The following SPTLC3 variants were observed in gnomAD, a reference collection of about 807,000 sequenced individuals.
SPTLC3 encodes the protein serine palmitoyltransferase long chain base subunit 3.
Under a neutral mutation model 59.3 loss-of-function variants are expected in SPTLC3, and 36 were observed. The observed-to-expected ratio is 0.61, with a 90% CI of 0.47 to 0.80. The LOEUF is 0.80. Ranked by LOEUF, SPTLC3 falls within the 30% of genes least tolerant of loss-of-function variation. The pLI is 0.00. For missense variants in SPTLC3, 625 were observed against 685.1 expected (o/e 0.91, Z 0.98); for synonymous variants, 257 against 240.8 (o/e 1.07, Z -0.62).
intron 8 of SPTLC3, 100 bp downstream of exon 8, chr20:13,117,825 C>A: frequency 1.8e-6 from 2 of 1,116,734 alleles, no homozygotes; most frequent in Non-Finnish European, 2.5e-6. Flanking sequence ...ATTCAGTTCA[C>A]CACACCTCAG....
chr20:13,153,582 G>T (rs1199157292), intron 9 of SPTLC3, among the ~76,000 whole-genome samples: 1 of 152,104 alleles, frequency 6.6e-6, no homozygotes, highest in Non-Finnish European at 1.5e-5. Flanking sequence ...AGCCAATTCA[G>T]CTTAGCTAAA....
intron 1 of SPTLC3, among the ~76,000 whole-genome samples, chr20:13,035,049 A>G (rs1287171485): frequency 6.6e-6 from 1 of 152,032 alleles, no homozygotes; most frequent in Non-Finnish European, 1.5e-5. Flanking sequence ...TCCCTCATTC[A>G]TGAAACCTCC....
In SPTLC3 at chr20:13,117,672, G is replaced by C. The variant is rs370462862; in HGVS notation, c.1099G>C (p.Gly367Arg). Residue 367 changes from glycine (G) to arginine (R), a missense_variant, in exon 8 of 12, where the codon GGC becomes CGC. Gly to Arg is a moderately radical substitution (Grantham distance 125). Coordinates refer to ENST00000399002, the MANE Select transcript of SPTLC3 (RefSeq NM_018327.4). ...LDPHEVDVLM[G>R]TFTKSFGASG... ...CCCTCATGAAGTTGATGTGCTCATGGGCACATTCACCAAAAGTTTTGGAGC... is the reference window on the plus strand; with the variant it reads ...CCCTCATGAAGTTGATGTGCTCATGCGCACATTCACCAAAAGTTTTGGAGC... The C allele has an allele frequency of 2.5e-5, 40 of 1,613,750 alleles. No homozygotes were observed. Among genetic ancestry groups the C allele is most frequent in the Non-Finnish European group, 3.4e-5 (40 of 1,179,892 alleles).
rs1985098673 is a variant in SPTLC3, at chr20:13,009,267, C to T, written c.-1C>T. 3 of 1,613,702 alleles carry T rather than the reference C, an allele frequency of 1.9e-6. No individual in the cohort carries two copies. The highest frequency in any genetic ancestry group is 1.7e-5 in the Admixed American group (1 of 59,994). On this transcript the variant is annotated 5_prime_UTR_variant, in exon 1 of 12. Transcript: ENST00000399002. Reference sequence around the variant, plus strand: ...GTCCCGGGCTCTGTCACTTCACACCCATGGCTAACCCTGGAGGTGGTGCTG... The same window carrying T: ...GTCCCGGGCTCTGTCACTTCACACCTATGGCTAACCCTGGAGGTGGTGCTG...
chr20:13,011,201 C>T (rs1041297357), intron 1 of SPTLC3, among the ~76,000 whole-genome samples: 3 of 152,196 alleles, frequency 2.0e-5, no homozygotes, highest in African/African-American at 7.2e-5. Context: ...ATTGTCCCCT[C>T]CATGATGGGA....
At chr20:13,053,867 C>A (rs1600234698) in intron 2 of SPTLC3, among the ~76,000 whole-genome samples, 1 of 152,102 alleles carries the variant, frequency 6.6e-6, no homozygotes, top group East Asian at 1.9e-4. Flanking sequence ...ACGAACAAAG[C>A]CTCCAAGAAA....
rs1170361366 is a variant in SPTLC3, at chr20:13,165,593, A to C, written c.*726A>C. ...GTTTGTTTCATAAGAAAAGGGGCAG[A>C]AAGCAAGCACAAGACACTTTTAGGT... On this transcript the variant is annotated 3_prime_UTR_variant, in exon 12 of 12. Transcript: ENST00000399002. The C allele has an allele frequency of 6.6e-6, 1 of 152,248 alleles. No homozygotes were observed. The highest frequency in any genetic ancestry group is 1.5e-5 in the Non-Finnish European group (1 of 68,046). 9.4% of individuals were successfully genotyped at this position (152,248 alleles called of 1,614,324 possible).
intron 7 of SPTLC3, among the ~76,000 whole-genome samples, chr20:13,111,330 AG>A (rs1990222188): frequency 6.6e-6 from 1 of 152,144 alleles, no homozygotes; most frequent in Admixed American, 6.5e-5. Context: ...TAGACATAGT[AG>A]TTCTCCAGGG....
chr20:13,097,761 T>G (rs191225707), intron 6 of SPTLC3, among the ~76,000 whole-genome samples: 8 of 152,228 alleles, frequency 5.3e-5, no homozygotes, highest in African/African-American at 1.9e-4. Context: ...AAAAGGGAAT[T>G]GTATTCTCTA....
chr20:13,017,642 C>T (rs1985599728), intron 1 of SPTLC3, among the ~76,000 whole-genome samples: 1 of 152,098 alleles, frequency 6.6e-6, no homozygotes. Flanking sequence ...TTTAGCTTAT[C>T]AGCTATCATT....
intron 6 of SPTLC3, among the ~76,000 whole-genome samples, chr20:13,107,618 A>G (rs971492200): frequency 6.6e-6 from 1 of 152,216 alleles, no homozygotes; most frequent in Non-Finnish European, 1.5e-5. Flanking sequence ...AGAAAAGGAA[A>G]GTGGCATGAA....
At chr20:13,073,956 G>A (rs1568589250) in intron 3 of SPTLC3, 40 of 591,012 alleles carry the variant, frequency 6.8e-5, no homozygotes, top group South Asian at 5.6e-4. Flanking sequence ...CACCTGAGTG[G>A]ATGTTACCAA....
intron 4 of SPTLC3, among the ~76,000 whole-genome samples, chr20:13,081,350 G>A (rs1988836257): frequency 6.6e-6 from 1 of 152,166 alleles, no homozygotes; most frequent in Non-Finnish European, 1.5e-5. Flanking sequence ...AATTTGTAAA[G>A]CCCTCCTCCC....
intron 1 of SPTLC3, among the ~76,000 whole-genome samples, chr20:13,038,558 G>T (rs6041791): frequency 0.2 from 29,709 of 151,856 alleles, 3,608 homozygotes; most frequent in African/African-American, 0.35. Context: ...AATTTTGCTG[G>T]TTTCTCTTTT....
At chr20:13,110,276 C>A (rs1399614869) in intron 7 of SPTLC3, 59 bp downstream of exon 7, 9 of 1,404,088 alleles carry the variant, frequency 6.4e-6, no homozygotes, top group Non-Finnish European at 8.9e-6. Flanking sequence ...CTGACCAGTG[C>A]GGAAAGGCTC....
intron 1 of SPTLC3, among the ~76,000 whole-genome samples, chr20:13,037,703 C>A (rs6109664): frequency 6.6e-6 from 1 of 152,068 alleles, no homozygotes; most frequent in African/African-American, 2.4e-5. Context: ...CTTAGAGATG[C>A]GGAAATATTT....
chr20:13,095,650 A>G (rs936834840), intron 6 of SPTLC3, among the ~76,000 whole-genome samples: 1 of 152,018 alleles, frequency 6.6e-6, no homozygotes, highest in African/African-American at 2.4e-5. Context: ...AAACACCTGC[A>G]TTTTTTTCTG....
At chr20:13,027,012 T>G (rs79863559) in intron 1 of SPTLC3, among the ~76,000 whole-genome samples, 7,715 of 152,262 alleles carry the variant, frequency 0.051, 235 homozygotes, top group South Asian at 0.084. Context: ...TGTTCTACAC[T>G]GTCTTCTGCA....
chr20:13,061,848 C>A (rs1403927216), intron 2 of SPTLC3, among the ~76,000 whole-genome samples: 1 of 152,196 alleles, frequency 6.6e-6, no homozygotes, highest in Non-Finnish European at 1.5e-5. Flanking sequence ...CACTAACAAG[C>A]AATGTGATGT....
Sources: allele counts gnomAD v4.1 joint callset (sites outside exome capture counted in the v4.1 genomes callset), GRCh38; gene constraint gnomAD v4.1.1; transcripts MANE v1.5; gene names NCBI Gene and HGNC (gene_info 2026-07-23, HGNC 2026-07-21).